The following SPRED1 variants were observed in gnomAD, a reference collection of about 807,000 sequenced individuals.
SPRED1 encodes the protein sprouty-related, EVH1 domain-containing protein 1.
Under a neutral mutation model 52.3 loss-of-function variants are expected in SPRED1, and 18 were observed. The ratio of observed to expected loss-of-function variants is 0.34; its 90% confidence interval spans 0.24 to 0.51. SPRED1 has a LOEUF of 0.51. Among genes scored for constraint, SPRED1 ranks in the 20% least tolerant of loss-of-function variants. SPRED1 has a pLI of 0.97. For missense variants in SPRED1, 485 were observed against 551.0 expected (o/e 0.88, Z 1.20); for synonymous variants, 155 against 179.7 (o/e 0.86, Z 1.10).
chr15:38,296,931 T>G (rs560224840), intron 1 of SPRED1, among the ~76,000 whole-genome samples: 1 of 152,292 alleles, frequency 6.6e-6, no homozygotes, highest in East Asian at 1.9e-4. Flanking sequence ...ATAAAAGAAC[T>G]GAGGGTGCCC....
chr15:38,279,492 G>A (rs981757961), intron 1 of SPRED1, among the ~76,000 whole-genome samples: 8 of 152,186 alleles, frequency 5.3e-5, no homozygotes, highest in Non-Finnish European at 1.0e-4. Context: ...ATGTGTGTAT[G>A]TGGTTTTGTG....
intron 1 of SPRED1, among the ~76,000 whole-genome samples, chr15:38,293,099 CTTTT>C (rs66511254): frequency 1.1e-5 from 1 of 90,724 alleles, no homozygotes; most frequent in Non-Finnish European, 2.0e-5. Context: ...AAGATTACAA[CTTTT>C]TTTTTTTTTT....
At chr15:38,314,285 GAT>G (rs1895426340) in intron 2 of SPRED1, among the ~76,000 whole-genome samples, 1 of 151,674 alleles carries the variant, frequency 6.6e-6, no homozygotes, top group African/African-American at 2.4e-5. Flanking sequence ...CATATATTCA[GAT>G]ATGTTACTCT....
intron 2 of SPRED1, among the ~76,000 whole-genome samples, chr15:38,315,067 G>A (rs974843743): frequency 3.3e-5 from 5 of 151,806 alleles, no homozygotes; most frequent in African/African-American, 7.2e-5. Context: ...ATGTCATAAT[G>A]TATTTCTTAA....
Position 38,265,358 on chromosome 15 carries a change from T to TG in SPRED1, c.32+12142dup, listed in dbSNP as rs1333616973. On this transcript the variant is annotated intron_variant, in intron 1 of 6. Coordinates refer to ENST00000299084, the MANE Select transcript of SPRED1 (RefSeq NM_152594.3). ...TTAGTTCTTCAGAAGGAAGGTACTA[T>TG]GTTTATAAAATAATCAGTGCTCATT... Among the ~76,000 whole-genome samples the TG allele has an allele frequency of 3.9e-5, 6 of 152,288 alleles. No individual in the cohort carries two copies. In the South Asian group the frequency reaches 1.2e-3, roughly 32 times the overall value.
At chr15:38,350,823 G>A (rs1595763337) in intron 6 of SPRED1, among the ~76,000 whole-genome samples, 191 bp from the exon 7 acceptor site, 3 of 152,118 alleles carry the variant, frequency 2.0e-5, no homozygotes, top group Admixed American at 1.3e-4. Context: ...TATGAGGTCC[G>A]CCTATACCAC....
In SPRED1 at chr15:38,320,448, A is replaced by G. The variant is rs1308798104; in HGVS notation, c.208-1793A>G. Among the ~76,000 whole-genome samples the G allele has an allele frequency of 2.6e-5, 4 of 152,192 alleles. No individual in the cohort carries two copies. The East Asian group carries it at 7.7e-4, about 29-fold the overall frequency. On this transcript the variant is annotated intron_variant, in intron 2 of 6. Transcript: ENST00000299084. Reference sequence around the variant, plus strand: ...AGAATTTTAGTCTTGAAAGCATTGAAAAGACATTGAAACTAGGGAGTGGTC... The same window carrying G: ...AGAATTTTAGTCTTGAAAGCATTGAGAAGACATTGAAACTAGGGAGTGGTC...
chr15:38,259,993 G>C (rs1039037310), intron 1 of SPRED1, among the ~76,000 whole-genome samples: 1 of 152,180 alleles, frequency 6.6e-6, no homozygotes, highest in Non-Finnish European at 1.5e-5. Context: ...GGGCTTGAAG[G>C]AAAATGTGAC....
chr15:38,273,273 T>C (rs1252086724), intron 1 of SPRED1, among the ~76,000 whole-genome samples: 5 of 152,158 alleles, frequency 3.3e-5, no homozygotes, highest in Non-Finnish European at 5.9e-5. Flanking sequence ...CATGTGTAAA[T>C]TACCTCATTT....
intron 5 of SPRED1, among the ~76,000 whole-genome samples, chr15:38,344,288 T>C (rs1162102165): frequency 2.0e-5 from 3 of 152,150 alleles, no homozygotes; most frequent in Admixed American, 2.0e-4. Flanking sequence ...ACACGGTGAA[T>C]GTAACACAGG....
At chr15:38,340,894 G>A (rs1896014697) in intron 5 of SPRED1, among the ~76,000 whole-genome samples, 1 of 151,948 alleles carries the variant, frequency 6.6e-6, no homozygotes, top group Admixed American at 6.6e-5. Context: ...AAATAAGTTG[G>A]ACAGTATTTC....
intron 4 of SPRED1, among the ~76,000 whole-genome samples, chr15:38,335,431 G>A (rs1215798991): frequency 2.0e-5 from 3 of 152,190 alleles, no homozygotes; most frequent in African/African-American, 4.8e-5. Flanking sequence ...ACAGTGAATA[G>A]TAGGTATTGA....
chr15:38,289,409 C>CTT (rs58172284), intron 1 of SPRED1, among the ~76,000 whole-genome samples: 2 of 144,556 alleles, frequency 1.4e-5, no homozygotes, highest in African/African-American at 2.5e-5. Context: ...AAGGAAGTAC[C>CTT]TTTTTTTTTT....
intron 1 of SPRED1, among the ~76,000 whole-genome samples, chr15:38,294,276 A>G (rs1232387295): frequency 6.6e-6 from 1 of 152,186 alleles, no homozygotes; most frequent in Non-Finnish European, 1.5e-5. Context: ...GCCTCAATGG[A>G]TAAATAAGTT....
rs1888606052 is a variant in SPRED1, at chr15:38,355,815, AAAAAGTCTATAAATCATAATAGCACCATG to A, written c.*4153_*4181del. 6.6e-6 allele frequency: 1 copy of A among 152,208 alleles called. No individual in the cohort carries two copies. The highest frequency in any genetic ancestry group is 6.5e-5 in the Admixed American group (1 of 15,284). 9.4% of individuals were successfully genotyped at this position (152,208 alleles called of 1,614,324 possible). ...AGAAACTGGCATTATTGTTGCACTA[AAAAAGTCTATAAATCATAATAGCACCATG>A]AGGTGTTTTGCAATGAGACAAACAT... On this transcript the variant is annotated 3_prime_UTR_variant, in exon 7 of 7. Transcript: ENST00000299084.
chr15:38,339,670 T>A, intron 4 of SPRED1, 67 bp from the exon 5 acceptor site: 1 of 1,510,862 alleles, frequency 6.6e-7, no homozygotes, highest in Non-Finnish European at 9.2e-7. Flanking sequence ...AGAGTGAAAG[T>A]ATCTTATTTT....
chr15:38,350,897 T>C (rs762047423), intron 6 of SPRED1, 117 bp from the exon 7 acceptor site: 2 of 1,076,250 alleles, frequency 1.9e-6, no homozygotes, highest in African/African-American at 3.1e-5. Context: ...CAAAAACATA[T>C]CATAGAAATG....
intron 1 of SPRED1, among the ~76,000 whole-genome samples, chr15:38,263,786 C>T (rs1894250084): frequency 6.6e-6 from 1 of 152,080 alleles, no homozygotes. Flanking sequence ...ATAAAATACA[C>T]TAACACTAAA....
At chr15:38,304,487 G>T (rs1190369768) in intron 2 of SPRED1, among the ~76,000 whole-genome samples, 1 of 152,136 alleles carries the variant, frequency 6.6e-6, no homozygotes, top group Non-Finnish European at 1.5e-5. Context: ...TATTGTTATT[G>T]TTCCTTATTC....
Sources: allele counts gnomAD v4.1 joint callset (sites outside exome capture counted in the v4.1 genomes callset), GRCh38; gene constraint gnomAD v4.1.1; transcripts MANE v1.5; gene names NCBI Gene and HGNC (gene_info 2026-07-23, HGNC 2026-07-21).